The following MAP6 variants were observed in gnomAD, a reference collection of about 807,000 sequenced individuals.
MAP6 encodes the protein microtubule associated protein 6, also known as microtubule-associated protein 6.
In MAP6, 26 loss-of-function variants were observed where a neutral mutation model predicts 42.4. That is an observed-to-expected ratio of 0.61 (90% CI 0.45 to 0.85). The LOEUF (loss-of-function observed/expected upper bound fraction) is 0.85. MAP6 is among the 40% of genes least tolerant of loss of function. The pLI is 0.00. For missense variants in MAP6, 966 were observed against 1,099.0 expected (o/e 0.88, Z 1.71); for synonymous variants, 418 against 443.8 (o/e 0.94, Z 0.73).
intron 1 of MAP6, among the ~76,000 whole-genome samples, chr11:75,623,855 G>C (rs1943153472): frequency 6.6e-6 from 1 of 152,146 alleles, no homozygotes; most frequent in African/African-American, 2.4e-5. Context: ...CACTTCTATT[G>C]CATTTTGTGC....
chr11:75,648,189 CAA>C (rs1224502086), intron 1 of MAP6, among the ~76,000 whole-genome samples: 1 of 152,122 alleles, frequency 6.6e-6, no homozygotes, highest in Non-Finnish European at 1.5e-5. Context: ...ATGTGAAAAA[CAA>C]AATTTAAAAC....
Position 75,629,633 on chromosome 11 carries a change from G to A in MAP6, c.906-21311C>T, listed in dbSNP as rs190711049. On this transcript the variant is annotated intron_variant, in intron 1 of 3. Coordinates refer to ENST00000304771, the MANE Select transcript of MAP6 (RefSeq NM_033063.2). ...TTTGAGGTCAAAGGGATTGGAAAAA[G>A]TTTATTCCACAGCTGCTATCACTTG... Among the ~76,000 whole-genome samples the A allele has an allele frequency of 1.8e-4, 27 of 152,266 alleles. No individual in the cohort carries two copies. The East Asian group carries it at 5.0e-3, about 28-fold the overall frequency.
At chr11:75,642,448 T>C (rs1203069726) in intron 1 of MAP6, among the ~76,000 whole-genome samples, 1 of 152,246 alleles carries the variant, frequency 6.6e-6, no homozygotes, top group Non-Finnish European at 1.5e-5. Context: ...TATTATCTGA[T>C]TGAACAAAGA....
At chr11:75,665,622 T>G (rs987078523) in intron 1 of MAP6, among the ~76,000 whole-genome samples, 1 of 152,162 alleles carries the variant, frequency 6.6e-6, no homozygotes, top group Non-Finnish European at 1.5e-5. Flanking sequence ...AGAAATGAAG[T>G]AGGGTCTTGA....
chr11:75,643,606 C>T (rs1479056401), intron 1 of MAP6, among the ~76,000 whole-genome samples: 1 of 152,214 alleles, frequency 6.6e-6, no homozygotes, highest in Non-Finnish European at 1.5e-5. Flanking sequence ...ACAACTCCAT[C>T]CTGGCAGTCC....
At chr11:75,589,269 C>A (rs914880789) in intron 3 of MAP6, among the ~76,000 whole-genome samples, 10 of 152,242 alleles carry the variant, frequency 6.6e-5, no homozygotes, top group African/African-American at 2.2e-4. Context: ...CCCTGGCCCA[C>A]CCACACTGTG....
At position 75,668,507 on chromosome 11, in the gene MAP6, C is replaced by A; in HGVS notation, c.-138G>T. On this transcript the variant is annotated 5_prime_UTR_variant, in exon 1 of 4. Coordinates refer to ENST00000304771, the MANE Select transcript of MAP6 (RefSeq NM_033063.2). ...TACCCCCGATCAGCCGGAGCTAGTT[C>A]GCCCTCCTCCCTCAGCGAGCACCCG... is the stretch of plus-strand genomic sequence containing the variant. 1 of 1,279,244 alleles carries A rather than the reference C, an allele frequency of 7.8e-7. No homozygotes were observed. Among genetic ancestry groups the A allele is most frequent in the Non-Finnish European group, 1.0e-6 (1 of 988,402 alleles). The allele number at this position is 1,279,244 out of a possible 1,614,324, so 79.2% of individuals were successfully genotyped here.
chr11:75,617,883 C>T (rs574576301), intron 1 of MAP6, among the ~76,000 whole-genome samples: 6 of 152,212 alleles, frequency 3.9e-5, no homozygotes, highest in South Asian at 2.1e-4. Context: ...GAGAAGGCTA[C>T]GCTCTTTTGG....
intron 1 of MAP6, among the ~76,000 whole-genome samples, chr11:75,662,939 G>A (rs540161084): frequency 6.6e-6 from 1 of 150,934 alleles, no homozygotes; most frequent in Non-Finnish European, 1.5e-5. Flanking sequence ...TTTACTTCTA[G>A]TGCTAACCTG....
chr11:75,607,704 A>AGGG, intron 2 of MAP6: 4 of 985,206 alleles, frequency 4.1e-6, no homozygotes, highest in Non-Finnish European at 4.8e-6. Context: ...GAGGCAAGGC[A>AGGG]GGGTCTGGTG....
At chr11:75,653,928 C>T (rs143382894) in intron 1 of MAP6, among the ~76,000 whole-genome samples, 60 of 152,320 alleles carry the variant, frequency 3.9e-4, no homozygotes, top group African/African-American at 1.3e-3. Context: ...GTGCTTACTA[C>T]GGGCGAGGCA....
intron 1 of MAP6, among the ~76,000 whole-genome samples, chr11:75,615,079 G>A (rs1444047525): frequency 6.6e-6 from 1 of 152,188 alleles, no homozygotes; most frequent in African/African-American, 2.4e-5. Context: ...CATCACAGAA[G>A]AAAATGATGT....
chr11:75,605,027 T>C (rs1286663445), intron 3 of MAP6: 2 of 985,372 alleles, frequency 2.0e-6, no homozygotes, highest in Non-Finnish European at 2.4e-6. Flanking sequence ...ATTGGACAGG[T>C]GGTCGGCCGA....
intron 1 of MAP6, among the ~76,000 whole-genome samples, chr11:75,646,051 A>C (rs1440522188): frequency 6.6e-6 from 1 of 151,886 alleles, no homozygotes; most frequent in Admixed American, 6.6e-5. Flanking sequence ...GAAAATAACT[A>C]GTCTCAAGCA....
intron 1 of MAP6, among the ~76,000 whole-genome samples, chr11:75,626,081 G>A (rs990766879): frequency 3.3e-5 from 5 of 152,126 alleles, no homozygotes; most frequent in East Asian, 3.9e-4. Flanking sequence ...TGACCCCTAA[G>A]ACAGGATGAA....
Position 75,667,357 on chromosome 11 carries a change from T to C in MAP6, c.905+108A>G. ...CTGGGGAGAGGGTGTGGCCTGGGAC[T>C]GGAGGGAGGCTGCACGCTAGGCCTG... On this transcript the variant is annotated intron_variant, in intron 1 of 3. Transcript: ENST00000304771. The surrounding 1 kb of genome is among the most constrained non-coding windows in gnomAD (Gnocchi z 5.6). 9 of 1,071,206 alleles carry C rather than the reference T, an allele frequency of 8.4e-6. No individual in the cohort carries two copies. Among genetic ancestry groups the C allele is most frequent in the Non-Finnish European group, 1.1e-5 (9 of 800,944 alleles). The allele number at this position is 1,071,206 out of a possible 1,614,324, so 66.4% of individuals were successfully genotyped here.
rs755430366 is a variant in MAP6, at chr11:75,587,432, T to G, written c.2069A>C (p.His690Pro). ...VKDQDVVVPE[H>P]AKVHDSAVVA... ...AACTGCAGAATCGTGAACCTTTGCA[T>G]GCTCTGGGACTACAACATCTTGATC... The change falls in exon 4 of 4, where the codon CAT (histidine) becomes CCT (proline). Residue 690 changes from histidine (H) to proline (P), a missense_variant. His to Pro is a moderately conservative substitution (Grantham distance 77). This residue lies in a region of MAP6 where 943 missense variants were observed against 1,049.9 expected (regional missense o/e 0.90). Transcript: ENST00000304771. 5 of 1,614,024 alleles carry G rather than the reference T, an allele frequency of 3.1e-6. No individual in the cohort carries two copies. In the East Asian group the frequency reaches 8.9e-5, roughly 29 times the overall value.
At chr11:75,643,537 C>G (rs952896950) in intron 1 of MAP6, among the ~76,000 whole-genome samples, 5 of 152,286 alleles carry the variant, frequency 3.3e-5, no homozygotes, top group Non-Finnish European at 7.4e-5. Context: ...TCTTTTCTGA[C>G]ACTCACAATT....
At chr11:75,594,994 T>C (rs957358090) in intron 3 of MAP6, among the ~76,000 whole-genome samples, 4 of 152,216 alleles carry the variant, frequency 2.6e-5, no homozygotes, top group South Asian at 2.1e-4. Flanking sequence ...TGTCACTTTG[T>C]TGGAGAAGTC....
Sources: allele counts gnomAD v4.1 joint callset (sites outside exome capture counted in the v4.1 genomes callset), GRCh38; gene constraint gnomAD v4.1.1; regional missense constraint gnomAD v4.1.1; non-coding constraint Gnocchi (gnomAD v3.1); transcripts MANE v1.5; gene names NCBI Gene and HGNC (gene_info 2026-07-23, HGNC 2026-07-21).